The following NALF1 variants were observed in gnomAD, a reference collection of about 807,000 sequenced individuals.
NALF1 encodes the protein NALCN channel auxiliary factor 1, also known as family with sequence similarity 155 member A.
A neutral mutation model predicts 48.4 loss-of-function variants in NALF1; 3 were observed. The observed-to-expected ratio is 0.06, with a 90% confidence interval of 0.03 to 0.16. The LOEUF is 0.16. Among genes scored for constraint, NALF1 ranks in the 10% least tolerant of loss-of-function variants. The pLI, the probability that NALF1 is intolerant of heterozygous loss-of-function variation, is 1.00. For synonymous variants in NALF1, 262 were observed against 245.7 expected (o/e 1.07, Z -0.62); for missense variants, 526 against 571.5 (o/e 0.92, Z 0.81).
At chr13:107,315,335 C>G (rs1037949735) in intron 1 of NALF1, among the ~76,000 whole-genome samples, 3 of 152,200 alleles carry the variant, frequency 2.0e-5, no homozygotes, top group Admixed American at 1.3e-4. Flanking sequence ...TTCTAATACT[C>G]ATCCCATACC....
rs185345736 is a variant in NALF1, at chr13:107,221,031, A to C, written c.916-10276T>G. Among the ~76,000 whole-genome samples the C allele has an allele frequency of 6.6e-5, 10 of 152,298 alleles. No individual in the cohort carries two copies. The East Asian group carries it at 1.7e-3, about 26-fold the overall frequency. ...TGCATTGAAGTAACTCAGGAATGAAAAACCAAATACTGCATATTCTCATTT... is the reference window on the plus strand; with the variant it reads ...TGCATTGAAGTAACTCAGGAATGAACAACCAAATACTGCATATTCTCATTT... On this transcript the variant is annotated intron_variant, in intron 1 of 2. Transcript: ENST00000375915.
At chr13:107,660,498 A>AG (rs1566434134) in intron 1 of NALF1, among the ~76,000 whole-genome samples, 20 of 99,164 alleles carry the variant, frequency 2.0e-4, no homozygotes, top group Middle Eastern at 7.9e-3. Flanking sequence ...AAAGAAACAA[A>AG]AAAACAAACA....
At chr13:107,661,154 G>A (rs1489301731) in intron 1 of NALF1, among the ~76,000 whole-genome samples, 2 of 152,218 alleles carry the variant, frequency 1.3e-5, no homozygotes, top group South Asian at 2.1e-4. Flanking sequence ...AAAAACATTC[G>A]CATTCCTCAT....
At chr13:107,862,872 T>A (rs1566510091) in intron 1 of NALF1, among the ~76,000 whole-genome samples, 1 of 151,824 alleles carries the variant, frequency 6.6e-6, no homozygotes, top group Non-Finnish European at 1.5e-5. Context: ...AAGTAATAAT[T>A]CATCCTAACT....
intron 1 of NALF1, among the ~76,000 whole-genome samples, chr13:107,287,053 G>C (rs1041403746): frequency 6.6e-6 from 1 of 152,190 alleles, no homozygotes; most frequent in Non-Finnish European, 1.5e-5. Context: ...TAGGGTAGGT[G>C]AGTTTCACCG....
intron 2 of NALF1, among the ~76,000 whole-genome samples, chr13:107,191,833 A>ATTTTTTTTTTTTTTTTTTT (rs66566638): frequency 1.8e-5 from 2 of 112,224 alleles, no homozygotes; most frequent in Non-Finnish European, 1.7e-5. Context: ...CACTATGCCT[A>ATTTTTTTTTTTTTTTTTTT]TTTTTTTTTT....
chr13:107,395,979 A>G (rs1246365896), intron 1 of NALF1, among the ~76,000 whole-genome samples: 1 of 152,164 alleles, frequency 6.6e-6, no homozygotes, highest in Non-Finnish European at 1.5e-5. Flanking sequence ...GTCTTAGCTC[A>G]GGCTACCATA....
chr13:107,318,781 A>T (rs1424060151), intron 1 of NALF1, among the ~76,000 whole-genome samples: 1 of 152,138 alleles, frequency 6.6e-6, no homozygotes, highest in East Asian at 1.9e-4. Flanking sequence ...TTATAGAGCA[A>T]AAAGATAGGG....
rs889808168 is a variant in NALF1 at position 107,807,140 on chromosome 13, TATAAA to T, written c.915+58537_915+58541del. Among the ~76,000 whole-genome samples the T allele has an allele frequency of 1.8e-4, 27 of 152,304 alleles. 1 individual carries two copies. Among genetic ancestry groups the T allele is most frequent in the Admixed American group, 7.8e-4 (12 of 15,294 alleles). On this transcript the variant is annotated intron_variant, in intron 1 of 2. Transcript: ENST00000375915. ...ATGACTTATCCTTTTTAAATTCAAC[TATAAA>T]ATATTCAGTATGTAAATATGATTAT... is the stretch of plus-strand genomic sequence containing the variant.
chr13:107,763,137 T>C (rs1594250455), intron 1 of NALF1, among the ~76,000 whole-genome samples: 1 of 152,048 alleles, frequency 6.6e-6, no homozygotes, highest in Admixed American at 6.6e-5. Flanking sequence ...GAAACCATTT[T>C]ATATAGTTTG....
At chr13:107,768,236 A>C (rs1174079314) in intron 1 of NALF1, among the ~76,000 whole-genome samples, 1 of 152,338 alleles carries the variant, frequency 6.6e-6, no homozygotes, top group African/African-American at 2.4e-5. Flanking sequence ...CTGGCACAAA[A>C]TAAGCACCCA....
intron 1 of NALF1, among the ~76,000 whole-genome samples, chr13:107,594,501 G>A (rs1878689201): frequency 3.3e-5 from 5 of 151,858 alleles, no homozygotes; most frequent in Admixed American, 3.3e-4. Context: ...TCGCATGCCT[G>A]TATGTATTTT....
chr13:107,449,408 TAAAG>T (rs1203005508), intron 1 of NALF1, among the ~76,000 whole-genome samples: 3 of 151,616 alleles, frequency 2.0e-5, no homozygotes, highest in Non-Finnish European at 4.4e-5. Context: ...AATGGAAACA[TAAAG>T]AAAGAAATGG....
chr13:107,656,954 T>C (rs1880594049), intron 1 of NALF1, among the ~76,000 whole-genome samples: 1 of 151,862 alleles, frequency 6.6e-6, no homozygotes, highest in Non-Finnish European at 1.5e-5. Context: ...AGCTAAGCTA[T>C]GAGAACACAA....
rs546672698 is a variant in NALF1 at position 107,650,475 on chromosome 13, C to T, written c.915+215207G>A. Among the ~76,000 whole-genome samples the T allele has an allele frequency of 2.1e-4, 31 of 147,510 alleles. 1 individual carries two copies. Among genetic ancestry groups the T allele is most frequent in the African/African-American group, 7.7e-4 (31 of 40,280 alleles). On this transcript the variant is annotated intron_variant, in intron 1 of 2. Coordinates refer to ENST00000375915, the MANE Select transcript of NALF1 (RefSeq NM_001080396.3). ...GAGACTATTATTCTAAGTGAAGTAA[C>T]TCGGGAAGGGAAAACCAAACATCGT...
At chr13:107,685,918 C>A (rs914560663) in intron 1 of NALF1, among the ~76,000 whole-genome samples, 1 of 152,288 alleles carries the variant, frequency 6.6e-6, no homozygotes, top group South Asian at 2.1e-4. Context: ...AGGTTCCTCT[C>A]ATACAAGACT....
chr13:107,269,447 T>G (rs551296183), intron 1 of NALF1, among the ~76,000 whole-genome samples: 2 of 152,146 alleles, frequency 1.3e-5, no homozygotes, highest in Non-Finnish European at 2.9e-5. Context: ...AGGGATCAGA[T>G]AGTATGATTG....
intron 1 of NALF1, among the ~76,000 whole-genome samples, chr13:107,279,631 A>G (rs183764734): frequency 4.8e-4 from 73 of 152,202 alleles, no homozygotes; most frequent in African/African-American, 1.7e-3. Context: ...TGCATCATCA[A>G]TCATGTCCTA....
At chr13:107,763,852 A>T (rs1877343041) in intron 1 of NALF1, among the ~76,000 whole-genome samples, 1 of 152,178 alleles carries the variant, frequency 6.6e-6, no homozygotes, top group Non-Finnish European at 1.5e-5. Flanking sequence ...TTAGGGGTCT[A>T]CCGTACCTAA....
Sources: allele counts gnomAD v4.1 joint callset (sites outside exome capture counted in the v4.1 genomes callset), GRCh38; gene constraint gnomAD v4.1.1; transcripts MANE v1.5; gene names NCBI Gene and HGNC (gene_info 2026-07-23, HGNC 2026-07-21).